VSIG1: variants seen among roughly 807,000 people sequenced by gnomAD.
VSIG1 encodes the protein V-set and immunoglobulin domain-containing protein 1.
A neutral mutation model predicts 20.1 loss-of-function variants in VSIG1; 11 were observed. The ratio of observed to expected loss-of-function variants is 0.55; its 90% CI spans 0.34 to 0.91. VSIG1 has a LOEUF of 0.91. Among genes scored for constraint, VSIG1 ranks in the 40% least tolerant of loss-of-function variants. The pLI is 0.02. For missense variants in VSIG1, 283 were observed against 298.8 expected (o/e 0.95, Z 0.39); for synonymous variants, 126 against 116.7 (o/e 1.08, Z -0.52).
chrX:108,069,983 G>A (rs1056417149), intron 3 of VSIG1, among the ~76,000 whole-genome samples: 3 of 112,090 alleles, frequency 2.7e-5, no homozygotes, highest in Non-Finnish European at 5.6e-5. Context: ...CAGTTTAGGT[G>A]AAGGAAACAG....
At chrX:108,020,473 T>C in the VSIG1 span, among the ~76,000 whole-genome samples, 1 of 111,956 alleles carries the variant, frequency 8.9e-6, no homozygotes, top group Non-Finnish European at 1.9e-5. Context: ...TCAGAGAGGT[T>C]AAATATCATC....
chrX:108,068,597 A>G (rs1306770778), intron 3 of VSIG1, among the ~76,000 whole-genome samples: 1 of 111,238 alleles, frequency 9.0e-6, no homozygotes, highest in Non-Finnish European at 1.9e-5. Context: ...ACACACTTTT[A>G]AACAACCAGG....
Position 108,058,187 on chromosome X carries a change from A to G in VSIG1, c.199A>G (p.Met67Val). Residue 67 changes from methionine (M) to valine (V), a missense_variant, in exon 2 of 7, where the codon ATG (methionine) becomes GTG (valine). By Grantham distance (21) the Met-to-Val change is conservative (BLOSUM62 1). Coordinates refer to ENST00000217957, the MANE Select transcript of VSIG1 (RefSeq NM_182607.5). ...IQWSFFHKKE[M>V]EPISIYFSQG... ...GTGGTCTTTCTTCCATAAGAAGGAG[A>G]TGGAGCCAATTTCTGTAAGGACACT... is the stretch of plus-strand genomic sequence containing the variant. 8.3e-7 allele frequency: 1 copy of G among 1,205,772 alleles called. No individual in the cohort carries two copies. Among genetic ancestry groups the G allele is most frequent in the African/African-American group, 1.7e-5 (1 of 57,410 alleles).
the VSIG1 span, among the ~76,000 whole-genome samples, chrX:108,028,728 G>A: frequency 9.0e-6 from 1 of 111,636 alleles, no homozygotes; most frequent in South Asian, 3.8e-4. Context: ...TATAGGTTAG[G>A]GAGGGTGGAA....
At chrX:108,025,433 G>C in the VSIG1 span, among the ~76,000 whole-genome samples, 2 of 111,962 alleles carry the variant, frequency 1.8e-5, no homozygotes, top group African/African-American at 6.5e-5. Flanking sequence ...AATTGAGTTG[G>C]TGTTGTATAT....
chrX:108,019,678 C>T, the VSIG1 span, among the ~76,000 whole-genome samples: 3 of 112,120 alleles, frequency 2.7e-5, no homozygotes, highest in African/African-American at 9.7e-5. Flanking sequence ...GTGGCTTCTG[C>T]CTCAGCCCTA....
At chrX:108,074,269 T>G (rs2031310711) in intron 5 of VSIG1, among the ~76,000 whole-genome samples, 1 of 112,366 alleles carries the variant, frequency 8.9e-6, no homozygotes, top group African/African-American at 3.2e-5. Flanking sequence ...GCTCCTTTAT[T>G]CTCATATCAC....
At chrX:108,056,201 A>G (rs1044280434) in intron 1 of VSIG1, among the ~76,000 whole-genome samples, 1 of 111,893 alleles carries the variant, frequency 8.9e-6, no homozygotes, top group Non-Finnish European at 1.9e-5. Context: ...ATTCACATAT[A>G]CTGGAGGTTA....
At chrX:108,070,823 G>T (rs1403539384) in intron 3 of VSIG1, among the ~76,000 whole-genome samples, 1 of 112,204 alleles carries the variant, frequency 8.9e-6, no homozygotes, top group Non-Finnish European at 1.9e-5. Flanking sequence ...ATGCTTAAAA[G>T]ATAGGGCTAG....
chrX:108,037,539 T>G, the VSIG1 span, among the ~76,000 whole-genome samples: 1 of 112,044 alleles, frequency 8.9e-6, no homozygotes, highest in African/African-American at 3.2e-5. Context: ...ATTACCACCT[T>G]ATTAATTAGA....
rs764062271 is a variant in VSIG1 at position 108,076,057 on chromosome X, C to G, written c.689-20C>G. ...TGACAATATATTCCACTTTATTAAC[C>G]AGCTGCTTGTATCCTTCAGATCCAG... On this transcript the variant is annotated intron_variant, in intron 5 of 6. Transcript: ENST00000217957. 5 of 1,205,885 alleles carry G rather than the reference C, an allele frequency of 4.1e-6. No individual in the cohort carries two copies. The African/African-American group carries it at 8.8e-5, about 21-fold the overall frequency.
At position 108,072,805 on chromosome X, in the gene VSIG1, G is replaced by A; in HGVS notation, c.541G>A (p.Asp181Asn). ...VYYWHKLEGR[D>N]IVPVKENFNP... ...CTACTGGCATAAACTTGAGGGAAGA[G>A]ACATCGTGCCAGTGAAAGAAAACTT... is the stretch of plus-strand genomic sequence containing the variant. The change falls in exon 4 of 7, where the codon GAC (aspartate) becomes AAC (asparagine). Residue 181 changes from aspartate to asparagine, a missense_variant. Transcript: ENST00000217957. 8.3e-7 allele frequency: 1 copy of A among 1,211,173 alleles called. No homozygotes were observed. The highest frequency in any genetic ancestry group is 1.8e-5 in the South Asian group (1 of 56,943).
At chrX:108,056,646 A>G (rs778569565) in intron 1 of VSIG1, among the ~76,000 whole-genome samples, 2 of 112,803 alleles carry the variant, frequency 1.8e-5, no homozygotes, top group South Asian at 7.3e-4. Flanking sequence ...TAGCATCGTT[A>G]TCTATTTGAG....
intron 3 of VSIG1, among the ~76,000 whole-genome samples, chrX:108,068,461 G>T (rs1174711310): frequency 9.0e-6 from 1 of 111,698 alleles, no homozygotes; most frequent in Non-Finnish European, 1.9e-5. Context: ...TCACGGTTCT[G>T]CAGGCTGTAC....
In VSIG1 at chrX:108,077,630, G is replaced by A. The variant is rs756131568; in HGVS notation, c.*249G>A. 10 of 348,363 alleles carry A rather than the reference G, an allele frequency of 2.9e-5. No individual in the cohort carries two copies. In the South Asian group the frequency reaches 8.7e-4, roughly 30 times the overall value. 28.7% of individuals were successfully genotyped at this position (348,363 alleles called of 1,213,427 possible). A position where few individuals can be genotyped will look rare whatever the true frequency, so the allele number is the denominator to read the frequency against. On this transcript the variant is annotated 3_prime_UTR_variant, in exon 7 of 7. Coordinates refer to ENST00000217957, the MANE Select transcript of VSIG1 (RefSeq NM_182607.5). The stretch of plus-strand genomic sequence containing the variant: ...GTAAGCATAACAAATGACAGGGCAA[G>A]TGATTTCTAACTTAGTTGAGTTTTG...
intron 1 of VSIG1, among the ~76,000 whole-genome samples, chrX:108,045,476 A>C (rs1007570193): frequency 4.4e-5 from 5 of 112,851 alleles, no homozygotes; most frequent in African/African-American, 1.6e-4. Context: ...ATTTACTCAG[A>C]AACCAAACTT....
intron 1 of VSIG1, among the ~76,000 whole-genome samples, chrX:108,055,538 GA>G (rs2030876844): frequency 9.0e-6 from 1 of 111,320 alleles, no homozygotes; most frequent in Non-Finnish European, 1.9e-5. Flanking sequence ...TCTCTCTCAT[GA>G]ACTTTGACAC....
intron 1 of VSIG1, among the ~76,000 whole-genome samples, chrX:108,053,581 A>C (rs2030830961): frequency 8.9e-6 from 1 of 111,989 alleles, no homozygotes; most frequent in Non-Finnish European, 1.9e-5. Flanking sequence ...ATAAGAACTA[A>C]AGGGAACAAA....
At chrX:108,074,375 T>C (rs1235618870) in intron 5 of VSIG1, among the ~76,000 whole-genome samples, 4 of 111,753 alleles carry the variant, frequency 3.6e-5, no homozygotes, top group African/African-American at 1.3e-4. Context: ...ACTGCAGATG[T>C]AGAGATATGT....
Sources: gnomAD v4.1 joint callset for allele counts (sites outside exome capture counted in the v4.1 genomes callset) on GRCh38, gnomAD v4.1.1 for gene constraint, MANE v1.5 for transcripts, NCBI Gene and HGNC (gene_info 2026-07-23, HGNC 2026-07-21) for gene names.